Variants in EXOC4 observed in about 807,000 individuals in gnomAD.
EXOC4 encodes the protein exocyst complex component 4.
Under a neutral mutation model 107.2 loss-of-function variants are expected in EXOC4, and 71 were observed. That is an observed-to-expected ratio of 0.66 (90% CI 0.55 to 0.81). The LOEUF (loss-of-function observed/expected upper bound fraction) is 0.81. Ranked by LOEUF, EXOC4 falls within the 30% of genes least tolerant of loss-of-function variation. The probability of loss-of-function intolerance (pLI) is 0.00; values close to 1 mark genes in which losing one functional copy is unlikely to be tolerated. For missense variants in EXOC4, 1,108 were observed against 1,189.6 expected (o/e 0.93, Z 1.01); for synonymous variants, 456 against 441.2 (o/e 1.03, Z -0.42).
chr7:134,017,984 G>A (rs184834742), intron 17 of EXOC4, among the ~76,000 whole-genome samples: 7 of 152,312 alleles, frequency 4.6e-5, no homozygotes, highest in Non-Finnish European at 8.8e-5. Flanking sequence ...CATAGATAGC[G>A]AGTATTATTA....
chr7:133,554,533 C>T, intron 9 of EXOC4, among the ~76,000 whole-genome samples: 1 of 152,116 alleles, frequency 6.6e-6, no homozygotes, highest in East Asian at 1.9e-4. Flanking sequence ...GATGCCTTTT[C>T]TTTGACAAAA....
At chr7:133,788,375 AC>A (rs1490321947) in intron 10 of EXOC4, among the ~76,000 whole-genome samples, 2 of 151,910 alleles carry the variant, frequency 1.3e-5, no homozygotes, top group Non-Finnish European at 2.9e-5. Context: ...ACTTTCCAAA[AC>A]AAAACTCATG....
chr7:134,023,708 T>C (rs187344686), intron 17 of EXOC4, among the ~76,000 whole-genome samples: 2 of 152,304 alleles, frequency 1.3e-5, no homozygotes, highest in African/African-American at 4.8e-5. Flanking sequence ...TGTAATACAT[T>C]AGTATTTCAA....
rs866390002 is a variant in EXOC4, at chr7:133,500,650, G to A, written c.1417+20512G>A. 9.5e-4 allele frequency among the ~76,000 whole-genome samples: 144 copies of A among 152,276 alleles called. 1 individual carries two copies. The highest frequency in any genetic ancestry group is 3.2e-3 in the African/African-American group (133 of 41,556). The stretch of plus-strand genomic sequence containing the variant: ...ACAGTATTCCCTGAGGAACACATAC[G>A]AGTGGGATTCTTAGGTTATATGGTT... On this transcript the variant is annotated intron_variant, in intron 9 of 17. Transcript: ENST00000253861.
chr7:133,345,556 T>G (rs1241503589), intron 5 of EXOC4, among the ~76,000 whole-genome samples: 1 of 152,232 alleles, frequency 6.6e-6, no homozygotes, highest in Admixed American at 6.5e-5. Context: ...AGGTACATTT[T>G]CTTTCCTGTA....
At chr7:133,480,295 G>C in intron 9 of EXOC4, 157 bp downstream of exon 9, 3 of 1,460,676 alleles carry the variant, frequency 2.1e-6, no homozygotes, top group Non-Finnish European at 2.7e-6. Flanking sequence ...AGCATCTGCT[G>C]CCAAGCAGGT....
chr7:133,408,916 A>C (rs1235246237), intron 7 of EXOC4, among the ~76,000 whole-genome samples: 1 of 152,208 alleles, frequency 6.6e-6, no homozygotes, highest in Non-Finnish European at 1.5e-5. Flanking sequence ...AGTATCCAAC[A>C]ATTTATTTAT....
chr7:133,670,823 T>A (rs1387765949), intron 10 of EXOC4, among the ~76,000 whole-genome samples: 1 of 152,192 alleles, frequency 6.6e-6, no homozygotes, highest in Non-Finnish European at 1.5e-5. Flanking sequence ...CTGTTATGTA[T>A]CAAGTAATGA....
intron 5 of EXOC4, among the ~76,000 whole-genome samples, chr7:133,339,652 T>A (rs1012893481): frequency 6.6e-6 from 1 of 152,206 alleles, no homozygotes; most frequent in Admixed American, 6.5e-5. Flanking sequence ...GTGGGATGTG[T>A]TTCCATTTGT....
chr7:134,018,993 T>C (rs559532729), intron 17 of EXOC4, among the ~76,000 whole-genome samples: 2 of 152,348 alleles, frequency 1.3e-5, no homozygotes, highest in East Asian at 1.9e-4. Context: ...TGCAGTGGCC[T>C]GATCTTGCCT....
the EXOC4 span, among the ~76,000 whole-genome samples, chr7:134,086,734 A>T: frequency 6.6e-6 from 1 of 152,182 alleles, no homozygotes; most frequent in Non-Finnish European, 1.5e-5. Flanking sequence ...ACAAAGCAAA[A>T]GCAAGTTTAT....
the EXOC4 span, among the ~76,000 whole-genome samples, chr7:134,076,519 A>G: frequency 2.0e-5 from 3 of 151,786 alleles, no homozygotes; most frequent in Non-Finnish European, 2.9e-5. Context: ...CTCTGTCTCA[A>G]AAAAAAAGAC....
rs1191949027 is a variant in EXOC4, at chr7:133,604,706, CTTTCTTTTTT to C, written c.1418-25335_1418-25326del. ...TTTTTCTTTCCTTCCTTCCTTCCTTCTTTCTTTTTTTTTTTTTTTTTTTTTTTTTTTTTTT... is the reference window on the plus strand; with the variant it reads ...TTTTTCTTTCCTTCCTTCCTTCCTTCTTTTTTTTTTTTTTTTTTTTTTTTT... On this transcript the variant is annotated intron_variant, in intron 9 of 17. Transcript: ENST00000253861. Among the ~76,000 whole-genome samples the C allele has an allele frequency of 5.2e-3, 453 of 87,514 alleles. 16 individuals are homozygous for C. Among genetic ancestry groups the C allele is most frequent in the Middle Eastern group, 0.043 (6 of 138 alleles). The allele number at this position is 87,514 out of a possible 152,430, so 57.4% of individuals were successfully genotyped here.
chr7:133,943,135 C>T (rs1296409169), intron 14 of EXOC4, among the ~76,000 whole-genome samples: 1 of 152,148 alleles, frequency 6.6e-6, no homozygotes, highest in Admixed American at 6.5e-5. Context: ...GTATAGAACA[C>T]TTTCGTCATC....
chr7:133,503,692 A>C (rs1201538441), intron 9 of EXOC4, among the ~76,000 whole-genome samples: 1 of 152,170 alleles, frequency 6.6e-6, no homozygotes, highest in Non-Finnish European at 1.5e-5. Flanking sequence ...ACATTTGCGG[A>C]AATAATTTAT....
At chr7:133,568,422 A>C (rs1277046627) in intron 9 of EXOC4, among the ~76,000 whole-genome samples, 1 of 152,202 alleles carries the variant, frequency 6.6e-6, no homozygotes, top group Non-Finnish European at 1.5e-5. Flanking sequence ...GTTATAAAAG[A>C]CTTCCACCAG....
intron 10 of EXOC4, among the ~76,000 whole-genome samples, chr7:133,737,909 C>CTTTTTTTTTTTTTTTT (rs10673346): frequency 2.2e-5 from 2 of 89,328 alleles, no homozygotes; most frequent in Admixed American, 1.6e-4. Flanking sequence ...ATTTTTCTTT[C>CTTTTTTTTTTTTTTTT]TTTTTTTTTT....
At chr7:134,099,148 AGATGAGGT>A in the EXOC4 span, among the ~76,000 whole-genome samples, 167 of 152,322 alleles carry the variant, frequency 1.1e-3, 1 homozygote, top group Non-Finnish European at 1.9e-3. Flanking sequence ...TAATTAGTTA[AGATGAGGT>A]CATACTGGAG....
chr7:134,047,249 T>C lies in EXOC4; in HGVS notation c.2688-17042T>C, dbSNP rs574891112. On this transcript the variant is annotated intron_variant, in intron 17 of 17. Transcript: ENST00000253861. Reference sequence around the variant, plus strand: ...TCATAATGTAGCCCTTTCTGAGAGGTTTTTTCAAATCAGATACTTTTTCGT... The same window carrying C: ...TCATAATGTAGCCCTTTCTGAGAGGCTTTTTCAAATCAGATACTTTTTCGT... Among the ~76,000 whole-genome samples the C allele has an allele frequency of 2.0e-5, 3 of 151,838 alleles. No individual in the cohort carries two copies. The East Asian group carries it at 5.8e-4, about 29-fold the overall frequency.
Sources: allele counts gnomAD v4.1 joint callset (sites outside exome capture counted in the v4.1 genomes callset), GRCh38; gene constraint gnomAD v4.1.1; transcripts MANE v1.5; gene names NCBI Gene and HGNC (gene_info 2026-07-23, HGNC 2026-07-21).